Variants in LIN7A observed in about 807,000 individuals in gnomAD.
LIN7A encodes the protein lin-7 cell polarity scaffold A.
In LIN7A, 25 loss-of-function variants were observed where a neutral mutation model predicts 29.8. The observed-to-expected ratio is 0.84, with a 90% CI of 0.61 to 1.17. The LOEUF (loss-of-function observed/expected upper bound fraction) is 1.17, where lower values mean the gene tolerates loss of function less well. Among genes scored for constraint, LIN7A ranks in the 50% most tolerant of loss-of-function variants. The pLI is 0.00. For synonymous variants in LIN7A, 118 were observed against 107.5 expected, an observed-to-expected ratio of 1.10 and a Z score of -0.60; for missense variants, 239 against 287.0, an observed-to-expected ratio of 0.83 and a Z score of 1.21.
At chr12:80,907,425 G>T (rs1239667012) in intron 1 of LIN7A, among the ~76,000 whole-genome samples, 1 of 152,152 alleles carries the variant, frequency 6.6e-6, no homozygotes, top group African/African-American at 2.4e-5. Flanking sequence ...CTTGGAAAAT[G>T]CATTTTAACA....
At chr12:80,868,525 G>A (rs141254104) in intron 2 of LIN7A, among the ~76,000 whole-genome samples, 2,560 of 152,214 alleles carry the variant, frequency 0.017, 71 homozygotes, top group African/African-American at 0.058. Flanking sequence ...CCGAGATTGC[G>A]CCATTGCACT....
At chr12:80,837,257 A>AAT (rs1451763489) in intron 4 of LIN7A, among the ~76,000 whole-genome samples, 5 of 152,202 alleles carry the variant, frequency 3.3e-5, no homozygotes, top group African/African-American at 1.2e-4. Flanking sequence ...CAAAGATATT[A>AAT]ATATCAGGTC....
intron 1 of LIN7A, among the ~76,000 whole-genome samples, chr12:80,911,455 A>G (rs1388533909): frequency 6.6e-6 from 1 of 152,030 alleles, no homozygotes; most frequent in Non-Finnish European, 1.5e-5. Flanking sequence ...GACTCTAAGC[A>G]TAAGGGATTA....
At chr12:80,876,543 A>T (rs1874712235) in intron 2 of LIN7A, among the ~76,000 whole-genome samples, 1 of 152,194 alleles carries the variant, frequency 6.6e-6, no homozygotes, top group Non-Finnish European at 1.5e-5. Flanking sequence ...ATAAGACTAC[A>T]TAAGAATATG....
intron 3 of LIN7A, among the ~76,000 whole-genome samples, chr12:80,847,934 T>C (rs1024954426): frequency 6.6e-6 from 1 of 152,186 alleles, no homozygotes; most frequent in African/African-American, 2.4e-5. Context: ...TGATACAGGT[T>C]CTTTCAGATC....
At chr12:80,907,052 G>GCTCT (rs66958018) in intron 1 of LIN7A, among the ~76,000 whole-genome samples, 11 of 52,018 alleles carry the variant, frequency 2.1e-4, no homozygotes, top group Non-Finnish European at 4.6e-4. Flanking sequence ...CAGAGTGCGT[G>GCTCT]CTCTGTGTGT....
intron 2 of LIN7A, among the ~76,000 whole-genome samples, chr12:80,875,937 C>T (rs1015381508): frequency 6.6e-6 from 1 of 152,008 alleles, no homozygotes; most frequent in Admixed American, 6.6e-5. Flanking sequence ...TACATTTTTG[C>T]CCCCTTTGGA....
intron 1 of LIN7A, among the ~76,000 whole-genome samples, chr12:80,913,680 G>C (rs1876883152): frequency 6.6e-6 from 1 of 152,154 alleles, no homozygotes; most frequent in Non-Finnish European, 1.5e-5. Context: ...CATATGCTGT[G>C]TTTATTAGGT....
At chr12:80,934,313 G>C (rs1014479735) in intron 1 of LIN7A, among the ~76,000 whole-genome samples, 2 of 152,090 alleles carry the variant, frequency 1.3e-5, no homozygotes, top group Non-Finnish European at 2.9e-5. Flanking sequence ...GGATATCAAG[G>C]ACTGGGACCA....
intron 1 of LIN7A, among the ~76,000 whole-genome samples, chr12:80,928,012 C>A (rs1474721671): frequency 2.0e-5 from 3 of 152,142 alleles, no homozygotes; most frequent in Non-Finnish European, 2.9e-5. Flanking sequence ...CCAGCTTCAT[C>A]CATGTCCCTG....
rs1199755533 is a variant in LIN7A at position 80,927,144 on chromosome 12, C to CTTTTCT, written c.82+10491_82+10496dup. Among the ~76,000 whole-genome samples the CTTTTCT allele has an allele frequency of 7.3e-3, 901 of 123,732 alleles. 6 individuals carry two copies. Among genetic ancestry groups the CTTTTCT allele is most frequent in the Middle Eastern group, 0.013 (3 of 228 alleles). The allele number at this position is 123,732 out of a possible 152,430, so 81.2% of individuals were successfully genotyped here. On this transcript the variant is annotated intron_variant, in intron 1 of 5. Transcript: ENST00000552864. ...GTAAAGAGTTACAGTAAACTATTTT[C>CTTTTCT]TTTTCTTTTTCTTTTTTTTTTTTTT... is the stretch of plus-strand genomic sequence containing the variant.
At chr12:80,846,011 A>G (rs1873060710) in intron 3 of LIN7A, 72 bp from the exon 4 acceptor site, 1 of 1,339,330 alleles carries the variant, frequency 7.5e-7, no homozygotes, top group Admixed American at 2.7e-5. Context: ...TATGCTTTGC[A>G]GTGGGTAGCT....
intron 1 of LIN7A, among the ~76,000 whole-genome samples, chr12:80,891,383 T>C (rs549346137): frequency 5.7e-4 from 87 of 152,286 alleles, no homozygotes; most frequent in African/African-American, 2.1e-3. Flanking sequence ...ACGGCCGACT[T>C]CTTCTCGCTC....
At chr12:80,803,584 T>C (rs1178834023) in intron 5 of LIN7A, among the ~76,000 whole-genome samples, 1 of 152,198 alleles carries the variant, frequency 6.6e-6, no homozygotes, top group South Asian at 2.1e-4. Flanking sequence ...TGGTTCTTTA[T>C]GCTCAAAGTT....
chr12:80,864,668 A>T (rs1044219210), intron 2 of LIN7A, among the ~76,000 whole-genome samples: 1 of 152,196 alleles, frequency 6.6e-6, no homozygotes, highest in African/African-American at 2.4e-5. Flanking sequence ...TAACTTTTGG[A>T]AGTGATATGC....
intron 5 of LIN7A, among the ~76,000 whole-genome samples, chr12:80,802,608 A>G (rs1824435814): frequency 1.3e-5 from 2 of 151,030 alleles, no homozygotes; most frequent in Non-Finnish European, 3.0e-5. Flanking sequence ...GATTCCTCTT[A>G]CTCCATACGT....
At chr12:80,900,658 A>G (rs181501319) in intron 1 of LIN7A, among the ~76,000 whole-genome samples, 29 of 152,264 alleles carry the variant, frequency 1.9e-4, no homozygotes, top group Admixed American at 3.9e-4. Flanking sequence ...TAATTTGCTG[A>G]GGATTCTTTT....
At chr12:80,868,384 A>C (rs1874247827) in intron 2 of LIN7A, among the ~76,000 whole-genome samples, 1 of 152,116 alleles carries the variant, frequency 6.6e-6, no homozygotes, top group Admixed American at 6.5e-5. Context: ...GCCTGACCAA[A>C]ATGGAGACAC....
intron 4 of LIN7A, among the ~76,000 whole-genome samples, chr12:80,823,319 G>A (rs1026185741): frequency 1.4e-4 from 22 of 152,178 alleles, no homozygotes; most frequent in African/African-American, 4.8e-4. Flanking sequence ...AGAGCTCCCC[G>A]AGCCAGGGTT....
Sources: gnomAD v4.1 joint callset for allele counts (sites outside exome capture counted in the v4.1 genomes callset) on GRCh38, gnomAD v4.1.1 for gene constraint, MANE v1.5 for transcripts, NCBI Gene and HGNC (gene_info 2026-07-23, HGNC 2026-07-21) for gene names.